The following NCOR2 variants were observed in gnomAD, a reference collection of about 807,000 sequenced individuals.
The protein encoded by NCOR2 is CTG repeat protein 26.
A neutral mutation model predicts 262.9 loss-of-function variants in NCOR2; 81 were observed. That is an observed-to-expected ratio of 0.31 (90% CI 0.26 to 0.37). The LOEUF is 0.37. Ranked by LOEUF, NCOR2 falls within the 10% of genes least tolerant of loss-of-function variation. The probability of loss-of-function intolerance (pLI) is 1.00; values close to 1 mark genes in which losing one functional copy is unlikely to be tolerated. For missense variants in NCOR2, 3,385 were observed against 3,621.4 expected (o/e 0.93, Z 1.68); for synonymous variants, 1,659 against 1,559.3 (o/e 1.06, Z -1.51).
upstream of NCOR2, among the ~76,000 whole-genome samples, chr12:124,499,531 C>T (rs768520650): frequency 6.6e-5 from 10 of 152,162 alleles, no homozygotes; most frequent in South Asian, 2.1e-4. Flanking sequence ...CAGCTGGAGG[C>T]GCCGCTGAGC....
rs1489859031 is a variant in NCOR2, at chr12:124,466,414, C to T, written c.592-128G>A. ...CCGCGCACAGGAAGTCAGGCTGCTA[C>T]ACATTTCCTGTGAGTCACCCCAGGG... On this transcript the variant is annotated intron_variant, in intron 4 of 46. Transcript: ENST00000405201. The T allele has an allele frequency of 1.0e-5, 8 of 785,226 alleles. No homozygotes were observed. The Middle Eastern group carries it at 1.1e-3, about 103-fold the overall frequency. The allele number at this position is 785,226 out of a possible 1,614,324, so 48.6% of individuals were successfully genotyped here. A position where few individuals can be genotyped will look rare whatever the true frequency, so the allele number is the denominator to read the frequency against.
rs1286381287 is a variant in NCOR2 at position 124,389,041 on chromosome 12, G to C, written c.1877-3154C>G. Among the ~76,000 whole-genome samples the C allele has an allele frequency of 6.6e-6, 1 of 152,238 alleles. No individual in the cohort carries two copies. Among genetic ancestry groups the C allele is most frequent in the Admixed American group, 6.5e-5 (1 of 15,288 alleles). The stretch of plus-strand genomic sequence containing the variant: ...CTGACGCCGTCCCCAAGCCGCTGTG[G>C]GCGCGCGAGGTGCCCTTCCCCGAGG... On this transcript the variant is annotated intron_variant, in intron 16 of 46. Coordinates refer to ENST00000405201, the Ensembl canonical transcript of NCOR2. This position sits in a 1 kb window ranked among gnomAD's most constrained non-coding sequence, Gnocchi z 4.4.
At chr12:124,363,165 C>T (rs1160569914) in intron 21 of NCOR2, among the ~76,000 whole-genome samples, 1 of 152,228 alleles carries the variant, frequency 6.6e-6, no homozygotes, top group East Asian at 1.9e-4. Context: ...CACTCAAAGT[C>T]CCAAGGGACC....
intron 1 of NCOR2, among the ~76,000 whole-genome samples, chr12:124,524,628 G>A (rs1191016410): frequency 6.6e-6 from 1 of 152,190 alleles, no homozygotes; most frequent in Non-Finnish European, 1.5e-5. Context: ...TGGCCACTCT[G>A]AGGACCCATC....
chr12:124,389,725 CAT>C lies in NCOR2; in HGVS notation c.1877-3840_1877-3839del, dbSNP rs111453119. Among the ~76,000 whole-genome samples, 11 of 152,266 alleles carry C rather than the reference CAT, an allele frequency of 7.2e-5. 1 individual carries two copies. Among genetic ancestry groups the C allele is most frequent in the African/African-American group, 1.9e-4 (8 of 41,562 alleles). ...ATTTGAGGAGCCTTTGCAGGGTGCA[CAT>C]GAGACCGCCAACCATTTAGGGGAGG... On this transcript the variant is annotated intron_variant, in intron 16 of 46. Transcript: ENST00000405201. This position sits in a 1 kb window ranked among gnomAD's most constrained non-coding sequence, Gnocchi z 4.4.
intron 1 of NCOR2, 31 bp downstream of exon 1, chr12:124,567,277 C>T (rs1367321365): frequency 2.0e-5 from 3 of 151,980 alleles, no homozygotes; most frequent in Admixed American, 1.3e-4. Context: ...CCTCCCCCCG[C>T]CCTTCGCGGG....
At chr12:124,501,697 T>G (rs1274275592) in intron 1 of NCOR2, among the ~76,000 whole-genome samples, 5 of 152,214 alleles carry the variant, frequency 3.3e-5, no homozygotes, top group African/African-American at 1.2e-4. Flanking sequence ...TATCCGGTTG[T>G]GACCTCATCT....
chr12:124,496,623 G>A (rs545500054), upstream of NCOR2, among the ~76,000 whole-genome samples: 2 of 152,248 alleles, frequency 1.3e-5, no homozygotes, highest in East Asian at 1.9e-4. The surrounding 1 kb of genome is among the most constrained non-coding windows in gnomAD (Gnocchi z 4.4). Flanking sequence ...AAGCAGGAAA[G>A]CCCTTGGAGG....
exon 41 of NCOR2, chr12:124,334,501 T>C (rs769628018): frequency 1.4e-6 from 2 of 1,440,516 alleles, no homozygotes; most frequent in South Asian, 3.0e-5. Flanking sequence ...GGTCACTGGG[T>C]GGGCGGCGGA....
intron 1 of NCOR2, among the ~76,000 whole-genome samples, chr12:124,512,825 G>A (rs2049479803): frequency 6.6e-6 from 1 of 152,206 alleles, no homozygotes; most frequent in African/African-American, 2.4e-5. Flanking sequence ...CCAGTTTACA[G>A]GAAACAAGGG....
intron 20 of NCOR2, among the ~76,000 whole-genome samples, chr12:124,370,701 A>T (rs1410826789): frequency 6.6e-6 from 1 of 152,180 alleles, no homozygotes; most frequent in East Asian, 1.9e-4. Flanking sequence ...TTGAGGCCCA[A>T]AGCATCTGTG....
upstream of NCOR2, chr12:124,539,447 G>A: frequency 6.6e-6 from 1 of 152,576 alleles, no homozygotes; most frequent in Non-Finnish European, 1.5e-5. This position sits in a 1 kb window ranked among gnomAD's most constrained non-coding sequence, Gnocchi z 5.1. Context: ...CCCCCAGCAA[G>A]CTCCCACGCT....
chr12:124,417,293 A>AGACACTCACTCCACGGACAGCAG (rs2042961399), intron 13 of NCOR2, among the ~76,000 whole-genome samples: 1 of 91,018 alleles, frequency 1.1e-5, no homozygotes, highest in Non-Finnish European at 2.7e-5. Flanking sequence ...ACGAAGAGCA[A>AGACACTCACTCCACGGACAGCAG]GCCGGACACT....
exon 15 of NCOR2, chr12:124,400,508 G>A (rs963507877): frequency 2.5e-5 from 41 of 1,612,834 alleles, no homozygotes; most frequent in South Asian, 8.8e-5. Context: ...CACCCAGCTC[G>A]GCGCTCTGCT....
upstream of NCOR2, among the ~76,000 whole-genome samples, chr12:124,536,150 C>G (rs2051107817): frequency 6.6e-6 from 1 of 152,172 alleles, no homozygotes; most frequent in Admixed American, 6.5e-5. Context: ...GGGGTGCAAT[C>G]ATGGCTCCCT....
chr12:124,550,840 C>G (rs2051692915), intron 1 of NCOR2, among the ~76,000 whole-genome samples: 1 of 152,212 alleles, frequency 6.6e-6, no homozygotes, highest in Non-Finnish European at 1.5e-5. Flanking sequence ...AAGCCCAGAG[C>G]TGGCAAATCC....
intron 21 of NCOR2, among the ~76,000 whole-genome samples, chr12:124,363,468 C>T (rs959869564): frequency 3.9e-5 from 6 of 152,242 alleles, no homozygotes; most frequent in African/African-American, 7.2e-5. Context: ...CCTTAGGCCG[C>T]CAGTTCCCGC....
chr12:124,353,992 A>G, intron 27 of NCOR2, 101 bp downstream of exon 29: 1 of 1,081,492 alleles, frequency 9.2e-7, no homozygotes, highest in Non-Finnish European at 1.3e-6. Flanking sequence ...TCATCACCCC[A>G]TCGGCTGAGG....
intron 28 of NCOR2, 27 bp downstream of exon 30, chr12:124,350,560 T>C: frequency 1.2e-6 from 2 of 1,604,062 alleles, no homozygotes; most frequent in Non-Finnish European, 1.7e-6. Flanking sequence ...CCCCTGGTCC[T>C]GGGCCTCCTC....
Sources: gnomAD v4.1 joint callset for allele counts (sites outside exome capture counted in the v4.1 genomes callset) on GRCh38, gnomAD v4.1.1 for gene constraint, Gnocchi (gnomAD v3.1) non-coding constraint, MANE v1.5 for transcripts, NCBI Gene and HGNC (gene_info 2026-07-23, HGNC 2026-07-21) for gene names.